Variants in NFASC observed in about 807,000 individuals in gnomAD.
NFASC encodes the protein neurofascin homolog.
Under a neutral mutation model 147.5 loss-of-function variants are expected in NFASC, and 43 were observed. The ratio of observed to expected loss-of-function variants is 0.29; its 90% CI spans 0.23 to 0.38. The LOEUF (loss-of-function observed/expected upper bound fraction) is 0.38. NFASC is among the 10% of genes least tolerant of loss of function. The pLI is 1.00. For missense variants in NFASC, 1,320 were observed against 1,689.0 expected (o/e 0.78, Z 3.83); for synonymous variants, 622 against 665.5 (o/e 0.93, Z 1.01).
In NFASC at chr1:205,002,755, G is replaced by T; in HGVS notation, c.3289+7G>T. ...ACCTTTATGACCAGTACAGGTGAGA[G>T]GGGACCTGGCCTGGCCATCCCCTGC... is the stretch of plus-strand genomic sequence containing the variant. On this transcript the variant is annotated splice_region_variant and intron_variant, in intron 27 of 29. Coordinates refer to ENST00000339876, the MANE Select transcript of NFASC (RefSeq NM_001005388.3). 1 of 1,460,092 alleles carries T rather than the reference G, an allele frequency of 6.8e-7. No homozygotes were observed. The highest frequency in any genetic ancestry group is 2.5e-5 in the East Asian group (1 of 39,874). 90.4% of individuals were successfully genotyped at this position (1,460,092 alleles called of 1,614,324 possible).
intron 2 of NFASC, among the ~76,000 whole-genome samples, chr1:204,922,500 T>C (rs1467354164): frequency 6.6e-6 from 1 of 152,212 alleles, no homozygotes; most frequent in African/African-American, 2.4e-5. Flanking sequence ...ATTGTGTCAT[T>C]TGACTGTCAA....
At chr1:204,903,625 G>A (rs989108017) in intron 1 of NFASC, among the ~76,000 whole-genome samples, 1 of 152,288 alleles carries the variant, frequency 6.6e-6, no homozygotes, top group African/African-American at 2.4e-5. Context: ...AGGACTGGGG[G>A]CCCAGTTGCT....
intron 3 of NFASC, among the ~76,000 whole-genome samples, chr1:204,946,146 G>C (rs758729764): frequency 6.6e-6 from 1 of 152,100 alleles, no homozygotes; most frequent in African/African-American, 2.4e-5. Context: ...TCCCTGGGAC[G>C]ACCCCCACCC....
At chr1:205,002,283 G>C (rs1222513881) in intron 26 of NFASC, among the ~76,000 whole-genome samples, 1 of 152,236 alleles carries the variant, frequency 6.6e-6, no homozygotes, top group Non-Finnish European at 1.5e-5. Flanking sequence ...GGGCAACAGA[G>C]CATCTGCTGA....
intron 1 of NFASC, among the ~76,000 whole-genome samples, chr1:204,844,854 T>A (rs903050083): frequency 1.3e-5 from 2 of 152,186 alleles, no homozygotes; most frequent in Admixed American, 1.3e-4. Context: ...CTTGGACTGC[T>A]TCTGTGTCTC....
intron 2 of NFASC, among the ~76,000 whole-genome samples, chr1:204,933,095 A>G (rs2092513164): frequency 6.6e-6 from 1 of 152,192 alleles, no homozygotes. Context: ...TGAGTGCTGC[A>G]CTCAGAAGTA....
intron 28 of NFASC, 101 bp from the exon 29 acceptor site, chr1:205,012,692 GAGCC>G (rs1029210834): frequency 1.2e-6 from 1 of 843,004 alleles, no homozygotes; most frequent in Admixed American, 1.8e-5. Flanking sequence ...GAGTGTCAGT[GAGCC>G]CAGGGCGGTG....
At chr1:204,989,326 G>A (rs2095672804) in intron 23 of NFASC, 1 of 155,234 alleles carries the variant, frequency 6.4e-6, no homozygotes, top group Non-Finnish European at 1.4e-5. Context: ...CTTGCAGCCT[G>A]AATTGGATGC....
chr1:204,980,543 A>G, intron 20 of NFASC, 103 bp downstream of exon 20: 2 of 870,490 alleles, frequency 2.3e-6, no homozygotes, highest in Non-Finnish European at 3.7e-6. Context: ...GATGTGGTTC[A>G]GACTCTCTGG....
At chr1:205,003,345 C>G (rs575558114) in intron 27 of NFASC, among the ~76,000 whole-genome samples, 39 of 152,314 alleles carry the variant, frequency 2.6e-4, no homozygotes, top group Non-Finnish European at 5.4e-4. Context: ...GGGGAAGAAG[C>G]TCTCCAGAAC....
intron 1 of NFASC, chr1:204,870,524 CA>C (rs1234055532): frequency 4.2e-6 from 1 of 237,148 alleles, no homozygotes; most frequent in Non-Finnish European, 7.0e-6. Context: ...TGAATCTTAA[CA>C]GGGGGGTCTG....
At chr1:205,003,942 C>T (rs1023038004) in intron 27 of NFASC, among the ~76,000 whole-genome samples, 2 of 152,186 alleles carry the variant, frequency 1.3e-5, no homozygotes, top group South Asian at 2.1e-4. Flanking sequence ...GTCTGAGAGT[C>T]GGGCTCCCTG....
chr1:204,873,952 T>C (rs774716579), intron 1 of NFASC, among the ~76,000 whole-genome samples: 1 of 151,960 alleles, frequency 6.6e-6, no homozygotes, highest in African/African-American at 2.4e-5. Flanking sequence ...ACAGGTGGGG[T>C]TGGAGCCAGA....
At chr1:204,962,830 G>A (rs1370205314) in intron 8 of NFASC, among the ~76,000 whole-genome samples, 1 of 152,150 alleles carries the variant, frequency 6.6e-6, no homozygotes, top group East Asian at 1.9e-4. Context: ...GTCCACACTT[G>A]CGAGACATGG....
intron 1 of NFASC, among the ~76,000 whole-genome samples, chr1:204,878,086 A>G (rs904716829): frequency 6.6e-6 from 1 of 152,204 alleles, no homozygotes; most frequent in Non-Finnish European, 1.5e-5. Flanking sequence ...TGATTCCATT[A>G]AGCTTGTTAA....
At chr1:204,836,438 C>A (rs1388827178) in intron 1 of NFASC, among the ~76,000 whole-genome samples, 1 of 152,186 alleles carries the variant, frequency 6.6e-6, no homozygotes, top group African/African-American at 2.4e-5. Context: ...GTCTGTCTCC[C>A]TGCCACCTAA....
intron 1 of NFASC, among the ~76,000 whole-genome samples, chr1:204,863,095 C>CT (rs961411199): frequency 2.0e-5 from 3 of 152,160 alleles, no homozygotes; most frequent in Non-Finnish European, 2.9e-5. Context: ...AGAGTTTAGT[C>CT]TGGTTCTTTC....
At chr1:204,997,705 G>A (rs533375994) in intron 25 of NFASC, 9 of 503,838 alleles carry the variant, frequency 1.8e-5, no homozygotes, top group Admixed American at 3.4e-5. Context: ...CAAGCTCCTT[G>A]GGCAGGGCCC....
chr1:204,920,831 A>C, intron 2 of NFASC, 91 bp downstream of exon 2: 1 of 549,330 alleles, frequency 1.8e-6, no homozygotes, highest in Non-Finnish European at 3.1e-6. Flanking sequence ...TTGATAAGGG[A>C]AGCCTGTTTG....
Sources: allele counts gnomAD v4.1 joint callset (sites outside exome capture counted in the v4.1 genomes callset), GRCh38; gene constraint gnomAD v4.1.1; transcripts MANE v1.5; gene names NCBI Gene and HGNC (gene_info 2026-07-23, HGNC 2026-07-21).